The following LIN7A variants were observed in gnomAD, a reference collection of about 807,000 sequenced individuals.
The protein encoded by LIN7A is protein lin-7 homolog A.
LIN7A carries 25 observed loss-of-function variants against 29.8 expected under a neutral mutation model. The ratio of observed to expected loss-of-function variants is 0.84; its 90% CI spans 0.61 to 1.17. The LOEUF is 1.17. Ranked by LOEUF, LIN7A falls within the 50% of genes most tolerant of loss-of-function variation. The pLI is 0.00. For synonymous variants in LIN7A, 118 were observed against 107.5 expected (o/e 1.10, Z -0.60); for missense variants, 239 against 287.0 (o/e 0.83, Z 1.21).
Position 80,793,422 on chromosome 12 carries a change from G to C in LIN7A, c.*4305C>G, listed in dbSNP as rs1290082936. 2 of 152,152 alleles carry C rather than the reference G, an allele frequency of 1.3e-5. No individual in the cohort carries two copies. Among genetic ancestry groups the C allele is most frequent in the Non-Finnish European group, 2.9e-5 (2 of 68,002 alleles). The allele number at this position is 152,152 out of a possible 1,614,324, so 9.4% of individuals were successfully genotyped here. A position where few individuals can be genotyped will look rare whatever the true frequency, so the allele number is the denominator to read the frequency against. ...AAGCTCACACAAATCTGTGCAGGGA[G>C]TATTTCATGACTTCCATGGGGTGAG... On this transcript the variant is annotated 3_prime_UTR_variant, in exon 6 of 6. Coordinates refer to ENST00000552864, the MANE Select transcript of LIN7A (RefSeq NM_004664.4).
intron 2 of LIN7A, among the ~76,000 whole-genome samples, chr12:80,852,540 C>T (rs1461147368): frequency 6.6e-6 from 1 of 152,094 alleles, no homozygotes; most frequent in Admixed American, 6.6e-5. Flanking sequence ...AACCATAACC[C>T]ATTATTCTTA....
At chr12:80,875,926 T>C (rs1421198375) in intron 2 of LIN7A, among the ~76,000 whole-genome samples, 4 of 152,172 alleles carry the variant, frequency 2.6e-5, no homozygotes, top group South Asian at 2.1e-4. Context: ...CTGTATTCTA[T>C]TACATTTTTG....
chr12:80,841,349 AAG>A, intron 4 of LIN7A, among the ~76,000 whole-genome samples: 1 of 11,402 alleles, frequency 8.8e-5, no homozygotes, highest in African/African-American at 2.5e-4. Context: ...GGAGGGAAGG[AAG>A]GAAGGAAGGA....
At chr12:80,810,373 A>G (rs1871227680) in intron 5 of LIN7A, among the ~76,000 whole-genome samples, 4 of 150,912 alleles carry the variant, frequency 2.7e-5, no homozygotes, top group Non-Finnish European at 5.9e-5. Context: ...TTTAAAGGCT[A>G]AATATTAAAT....
At chr12:80,846,101 G>A (rs1873065237) in intron 3 of LIN7A, among the ~76,000 whole-genome samples, 162 bp from the exon 4 acceptor site, 1 of 152,112 alleles carries the variant, frequency 6.6e-6, no homozygotes. Context: ...TCATTTAGAT[G>A]CCATCTAGGA....
intron 2 of LIN7A, among the ~76,000 whole-genome samples, chr12:80,870,694 C>T (rs551055360): frequency 6.6e-6 from 1 of 152,118 alleles, no homozygotes; most frequent in African/African-American, 2.4e-5. Flanking sequence ...CTCTTCTAAC[C>T]AGAAATTATG....
intron 1 of LIN7A, among the ~76,000 whole-genome samples, chr12:80,889,591 C>A (rs1163682): frequency 0.68 from 103,176 of 152,048 alleles, 39,046 homozygotes; most frequent in Non-Finnish European, 0.87. Flanking sequence ...GATGGGATTT[C>A]ATGTAATTTG....
chr12:80,906,679 G>A (rs1876491561), intron 1 of LIN7A, among the ~76,000 whole-genome samples: 1 of 152,082 alleles, frequency 6.6e-6, no homozygotes, highest in South Asian at 2.1e-4. Flanking sequence ...AGGGTGCAGG[G>A]TGGGAGGAGG....
chr12:80,915,037 G>A (rs920636669), intron 1 of LIN7A, among the ~76,000 whole-genome samples: 7 of 150,932 alleles, frequency 4.6e-5, no homozygotes, highest in African/African-American at 1.7e-4. Flanking sequence ...TACACAGCAA[G>A]AGAAACCATC....
chr12:80,891,723 A>G (rs1378256848), intron 1 of LIN7A, among the ~76,000 whole-genome samples: 1 of 152,170 alleles, frequency 6.6e-6, no homozygotes, highest in Non-Finnish European at 1.5e-5. Flanking sequence ...ATCATCATCA[A>G]AGAAGTCAGG....
rs56000415 is a variant in LIN7A at position 80,882,287 on chromosome 12, C to CTTTTTTTTTTTT, written c.201+6952_201+6963dup. 5.5e-4 allele frequency among the ~76,000 whole-genome samples: 48 copies of CTTTTTTTTTTTT among 87,696 alleles called. 6 individuals carry two copies. Among genetic ancestry groups the CTTTTTTTTTTTT allele is most frequent in the African/African-American group, 1.2e-3 (38 of 32,996 alleles). The allele number at this position is 87,696 out of a possible 152,430, so 57.5% of individuals were successfully genotyped here. A position where few individuals can be genotyped will look rare whatever the true frequency, so the allele number is the denominator to read the frequency against. ...ACAGTACTATCATTTTTCTTTCATT[C>CTTTTTTTTTTTT]TTTTTTTTTTTTTTTGAGACGGAGT... On this transcript the variant is annotated intron_variant, in intron 2 of 5. Coordinates refer to ENST00000552864, the MANE Select transcript of LIN7A (RefSeq NM_004664.4).
chr12:80,809,913 T>C (rs1871207901), intron 5 of LIN7A, among the ~76,000 whole-genome samples: 1 of 152,200 alleles, frequency 6.6e-6, no homozygotes, highest in South Asian at 2.1e-4. Flanking sequence ...TTTTATATAT[T>C]TATGGATTAT....
intron 1 of LIN7A, among the ~76,000 whole-genome samples, chr12:80,927,659 C>T (rs1336314948): frequency 1.3e-5 from 2 of 152,302 alleles, no homozygotes; most frequent in Non-Finnish European, 1.5e-5. Context: ...GCCCTAACTA[C>T]CAATGGTGTC....
intron 1 of LIN7A, among the ~76,000 whole-genome samples, chr12:80,917,039 T>C (rs925360009): frequency 1.3e-5 from 2 of 152,072 alleles, no homozygotes; most frequent in African/African-American, 4.8e-5. Flanking sequence ...GGATACAGAA[T>C]AAAGAATGAT....
At chr12:80,806,240 A>G (rs951662858) in intron 5 of LIN7A, among the ~76,000 whole-genome samples, 3 of 152,104 alleles carry the variant, frequency 2.0e-5, no homozygotes, top group Non-Finnish European at 2.9e-5. Flanking sequence ...TCTCAAAAAA[A>G]GTGGGTATAG....
chr12:80,873,706 G>A (rs927865687), intron 2 of LIN7A, among the ~76,000 whole-genome samples: 5 of 152,056 alleles, frequency 3.3e-5, no homozygotes, highest in Non-Finnish European at 5.9e-5. Context: ...CTGGTCACTG[G>A]CCCATGTTTC....
chr12:80,813,877 A>G (rs1871411969), intron 4 of LIN7A, among the ~76,000 whole-genome samples: 1 of 152,138 alleles, frequency 6.6e-6, no homozygotes, highest in African/African-American at 2.4e-5. Flanking sequence ...TACAGAGAAA[A>G]AAAATCACTG....
At chr12:80,913,061 A>G (rs1334202746) in intron 1 of LIN7A, among the ~76,000 whole-genome samples, 1 of 152,192 alleles carries the variant, frequency 6.6e-6, no homozygotes, top group Non-Finnish European at 1.5e-5. Context: ...CAAGCTACAA[A>G]AAACAGTATA....
intron 1 of LIN7A, among the ~76,000 whole-genome samples, chr12:80,924,383 G>A (rs953972799): frequency 1.3e-5 from 2 of 152,112 alleles, no homozygotes; most frequent in Non-Finnish European, 2.9e-5. Context: ...ATTGCATTGG[G>A]GAAAATGCAC....
Sources: allele counts gnomAD v4.1 joint callset (sites outside exome capture counted in the v4.1 genomes callset), GRCh38; gene constraint gnomAD v4.1.1; transcripts MANE v1.5; gene names NCBI Gene and HGNC (gene_info 2026-07-23, HGNC 2026-07-21).